The following HNF4G variants were observed in gnomAD, a reference collection of about 807,000 sequenced individuals.
HNF4G encodes the protein hepatocyte nuclear factor 4 gamma.
In HNF4G, 21 loss-of-function variants were observed where a neutral mutation model predicts 50.9. The ratio of observed to expected loss-of-function variants is 0.41; its 90% confidence interval spans 0.29 to 0.59. The LOEUF is 0.59. Among genes scored for constraint, HNF4G ranks in the 20% least tolerant of loss-of-function variants. The pLI is 0.26. For missense variants in HNF4G, 527 were observed against 559.4 expected (o/e 0.94, Z 0.58); for synonymous variants, 198 against 185.6 (o/e 1.07, Z -0.54).
At chr8:75,470,384 T>G (rs1381965447) in intron 1 of HNF4G, among the ~76,000 whole-genome samples, 1 of 152,200 alleles carries the variant, frequency 6.6e-6, no homozygotes, top group African/African-American at 2.4e-5. Context: ...TATGGCAGGA[T>G]TACCTCATTT....
chr8:75,514,704 A>C (rs187426656), intron 2 of HNF4G, among the ~76,000 whole-genome samples: 2 of 152,104 alleles, frequency 1.3e-5, no homozygotes, highest in Non-Finnish European at 2.9e-5. Flanking sequence ...TAAATAAATA[A>C]AGCAGGGTTT....
chr8:75,460,119 C>G (rs1468571034), intron 1 of HNF4G, among the ~76,000 whole-genome samples: 2 of 151,502 alleles, frequency 1.3e-5, no homozygotes, highest in African/African-American at 4.8e-5. Context: ...GAGAAAAAAA[C>G]AAACCTAAAA....
chr8:75,519,066 T>G (rs1362368982), intron 2 of HNF4G, among the ~76,000 whole-genome samples: 1 of 152,210 alleles, frequency 6.6e-6, no homozygotes, highest in Admixed American at 6.5e-5. Context: ...AACGCTTTGC[T>G]GCTTAGAAAT....
At chr8:75,441,747 CTCT>C (rs1811291884) in intron 1 of HNF4G, among the ~76,000 whole-genome samples, 1 of 152,184 alleles carries the variant, frequency 6.6e-6, no homozygotes, top group Non-Finnish European at 1.5e-5. Flanking sequence ...TAAATGCTTG[CTCT>C]TCATTTCTGT....
At chr8:75,541,562 A>G (rs919294408) in intron 1 of HNF4G, among the ~76,000 whole-genome samples, 5 of 136,636 alleles carry the variant, frequency 3.7e-5, no homozygotes, top group Non-Finnish European at 8.7e-5. Flanking sequence ...TTGTCTACTC[A>G]GAAATATTAG....
At chr8:75,475,696 A>G (rs1036458491) in intron 1 of HNF4G, among the ~76,000 whole-genome samples, 3 of 152,172 alleles carry the variant, frequency 2.0e-5, no homozygotes, top group Non-Finnish European at 4.4e-5. Flanking sequence ...GAAAACATAC[A>G]GCTTCAGAGT....
At chr8:75,498,567 C>T (rs897136849) in intron 2 of HNF4G, among the ~76,000 whole-genome samples, 7 of 151,938 alleles carry the variant, frequency 4.6e-5, no homozygotes, top group Non-Finnish European at 1.0e-4. Context: ...CAATATTACC[C>T]TGATAACAAA....
chr8:75,438,709 T>C (rs1811200292), intron 1 of HNF4G, among the ~76,000 whole-genome samples: 1 of 152,240 alleles, frequency 6.6e-6, no homozygotes, highest in South Asian at 2.1e-4. Context: ...ATGTTATGCT[T>C]TCAAAAGTAA....
intron 2 of HNF4G, among the ~76,000 whole-genome samples, chr8:75,512,473 G>A (rs199850200): frequency 1.3e-3 from 132 of 98,916 alleles, no homozygotes; most frequent in African/African-American, 6.4e-3. Flanking sequence ...TATTATTATT[G>A]TTATTATTTG....
chr8:75,506,608 T>G (rs879400262), intron 2 of HNF4G, among the ~76,000 whole-genome samples: 1 of 152,206 alleles, frequency 6.6e-6, no homozygotes, highest in Non-Finnish European at 1.5e-5. Flanking sequence ...TTGACCTCCT[T>G]TCTAATTCAA....
At chr8:75,560,561 CAAAAACTTGGTGT>C (rs1387308042) in intron 9 of HNF4G, 95 bp downstream of exon 9, 1 of 1,236,588 alleles carries the variant, frequency 8.1e-7, no homozygotes, top group Admixed American at 2.2e-5. Context: ...CCAGAAATGG[CAAAAACTTGGTGT>C]AATTTCCCAT....
rs1484306332 is a variant in HNF4G at position 75,566,549 on chromosome 8, G to A, written c.*2453G>A. ...TTTTATATACTGAACTGCCATAGATGCTGGAAAAAAGGAACTGATGTTTTC... is the reference window on the plus strand; with the variant it reads ...TTTTATATACTGAACTGCCATAGATACTGGAAAAAAGGAACTGATGTTTTC... On this transcript the variant is annotated 3_prime_UTR_variant, in exon 10 of 10. Coordinates refer to ENST00000396423, the MANE Select transcript of HNF4G (RefSeq NM_004133.5). The A allele has an allele frequency of 1.3e-5, 2 of 152,380 alleles. No homozygotes were observed. Among genetic ancestry groups the A allele is most frequent in the African/African-American group, 4.8e-5 (2 of 41,410 alleles). The allele number at this position is 152,380 out of a possible 1,614,324, so 9.4% of individuals were successfully genotyped here.
At chr8:75,505,829 G>A (rs1331615193) in intron 2 of HNF4G, among the ~76,000 whole-genome samples, 1 of 152,022 alleles carries the variant, frequency 6.6e-6, no homozygotes, top group Admixed American at 6.6e-5. Context: ...ATTTTGTAGA[G>A]ACACAAACTC....
chr8:75,471,418 A>C (rs1479951753), intron 1 of HNF4G, among the ~76,000 whole-genome samples: 2 of 152,192 alleles, frequency 1.3e-5, no homozygotes, highest in African/African-American at 4.8e-5. Flanking sequence ...AATTTTATAA[A>C]AATATAAAAT....
In HNF4G at chr8:75,448,143, T is replaced by A. The variant is rs1247173383; in HGVS notation, c.-144+39981T>A. 6.7e-4 allele frequency among the ~76,000 whole-genome samples: 84 copies of A among 124,992 alleles called. 1 individual carries two copies. The highest frequency in any genetic ancestry group is 1.2e-3 in the Non-Finnish European group (74 of 60,408). 82.0% of individuals were successfully genotyped at this position (124,992 alleles called of 152,430 possible). On this transcript the variant is annotated intron_variant, in intron 1 of 10. Transcript: ENST00000354370. ...TTCATATCCTTTGTAGGGACATGGA[T>A]GAAATTGGAAATCATCATTCTCAGT...
At chr8:75,430,503 G>GAGA (rs1554567911) in intron 1 of HNF4G, among the ~76,000 whole-genome samples, 1 of 123,334 alleles carries the variant, frequency 8.1e-6, no homozygotes, top group African/African-American at 3.4e-5. Flanking sequence ...AGAGAGAGAG[G>GAGA]GAGAGAGAGA....
intron 1 of HNF4G, among the ~76,000 whole-genome samples, chr8:75,455,306 CT>C (rs1811694152): frequency 6.6e-6 from 1 of 151,822 alleles, no homozygotes; most frequent in African/African-American, 2.4e-5. Flanking sequence ...CCATATACCT[CT>C]TCCAACTGTC....
At chr8:75,548,395 C>T (rs888596986) in intron 3 of HNF4G, among the ~76,000 whole-genome samples, 1 of 152,058 alleles carries the variant, frequency 6.6e-6, no homozygotes. Context: ...TTACTAAATA[C>T]TTGTTGAACA....
At chr8:75,563,698 A>C (rs1241747494) in intron 9 of HNF4G, among the ~76,000 whole-genome samples, 1 of 152,080 alleles carries the variant, frequency 6.6e-6, no homozygotes, top group Non-Finnish European at 1.5e-5. Flanking sequence ...AATGCTTATA[A>C]ATGCTATTAG....
Sources: allele counts gnomAD v4.1 joint callset (sites outside exome capture counted in the v4.1 genomes callset), GRCh38; gene constraint gnomAD v4.1.1; transcripts MANE v1.5; gene names NCBI Gene and HGNC (gene_info 2026-07-23, HGNC 2026-07-21).